SSBP4: variants seen among roughly 807,000 people sequenced by gnomAD.
The protein encoded by SSBP4 is single-stranded DNA-binding protein 4.
Under a neutral mutation model 64.6 loss-of-function variants are expected in SSBP4, and 33 were observed. The observed-to-expected ratio is 0.51, with a 90% CI of 0.39 to 0.68. SSBP4 has a LOEUF of 0.68. Among genes scored for constraint, SSBP4 ranks in the 30% least tolerant of loss-of-function variants. The pLI is 0.00. For missense variants in SSBP4, 583 were observed against 566.8 expected (o/e 1.03, Z -0.29); for synonymous variants, 243 against 224.0 (o/e 1.08, Z -0.76).
At chr19:18,421,527 G>A (rs1446460649) in intron 1 of SSBP4, among the ~76,000 whole-genome samples, 3 of 152,126 alleles carry the variant, frequency 2.0e-5, no homozygotes, top group Non-Finnish European at 2.9e-5. Flanking sequence ...GGCAGGCTCC[G>A]GTCGGGATGG....
intron 4 of SSBP4, among the ~76,000 whole-genome samples, chr19:18,430,572 T>C (rs1973277617): frequency 6.6e-6 from 1 of 152,106 alleles, no homozygotes. Context: ...CCAGCTGAGC[T>C]GCCCTGCCAG....
Position 18,431,438 on chromosome 19 carries a change from GC to G in SSBP4, c.435+24del. The G allele has an allele frequency of 1.4e-6, 2 of 1,450,884 alleles. No homozygotes were observed. The highest frequency in any genetic ancestry group is 1.9e-6 in the Non-Finnish European group (2 of 1,063,436). The allele number at this position is 1,450,884 out of a possible 1,614,324, so 89.9% of individuals were successfully genotyped here. ...GGTCAGGTAAGGAGCTGTGGTGCCTGCCCCTCACACACACACATCCCCTCCC... is the reference window on the plus strand; with the variant it reads ...GGTCAGGTAAGGAGCTGTGGTGCCTGCCCTCACACACACACATCCCCTCCC... On this transcript the variant is annotated intron_variant, in intron 6 of 17. Coordinates refer to ENST00000270061, the MANE Select transcript of SSBP4 (RefSeq NM_032627.5).
upstream of SSBP4, among the ~76,000 whole-genome samples, chr19:18,414,210 C>T (rs551657252): frequency 1.5e-3 from 225 of 152,270 alleles, no homozygotes; most frequent in African/African-American, 5.2e-3. Context: ...AGAGACACCT[C>T]GAGTCTCCCA....
chr19:18,427,730 C>A lies in SSBP4; in HGVS notation c.133-22C>A. 1 of 1,566,200 alleles carries A rather than the reference C, an allele frequency of 6.4e-7. No homozygotes were observed. On this transcript the variant is annotated intron_variant, in intron 2 of 17. Coordinates refer to ENST00000270061, the MANE Select transcript of SSBP4 (RefSeq NM_032627.5). This position sits in a 1 kb window ranked among gnomAD's most constrained non-coding sequence, Gnocchi z 4.4. ...GCAGGGTCAGGTAGGGCCACCCCCT[C>A]ACCACCTTCCTTTCCCTGCAGATCC...
rs776403821 is a variant in SSBP4, at chr19:18,430,865, G to A, written c.304G>A (p.Val102Ile). Residue 102 changes from valine to isoleucine, a missense_variant, in exon 5 of 18, where the codon GTT becomes ATT. Physicochemically the swap from Val to Ile is conservative, Grantham distance 29. This residue lies in a region of SSBP4 where 444 missense variants were observed against 386.6 expected (regional missense o/e 1.15). Coordinates refer to ENST00000270061, the MANE Select transcript of SSBP4 (RefSeq NM_032627.5). ...GAGTGCTGCAGCCGCCCCCAGCCCC[G>A]TTATGGGGAGTATGGCCCCAGGTGA... ...DYSAAAAPSP[V>I]MGSMAPGDTM... is the part of the protein sequence containing the mutation. The A allele has an allele frequency of 1.2e-5, 20 of 1,613,010 alleles. No homozygotes were observed. Among genetic ancestry groups the A allele is most frequent in the Non-Finnish European group, 1.4e-5 (17 of 1,179,790 alleles).
chr19:18,421,319 T>C (rs1972453163), intron 1 of SSBP4, among the ~76,000 whole-genome samples: 1 of 152,258 alleles, frequency 6.6e-6, no homozygotes, highest in Admixed American at 6.5e-5. Context: ...CAAAGACTTT[T>C]TGAAACTGGC....
chr19:18,417,678 G>A (rs1486701960), upstream of SSBP4, among the ~76,000 whole-genome samples: 1 of 152,204 alleles, frequency 6.6e-6, no homozygotes, highest in African/African-American at 2.4e-5. The surrounding 1 kb of genome is among the most constrained non-coding windows in gnomAD (Gnocchi z 5.4). Flanking sequence ...CCGAGCCGGG[G>A]CCCGGAGGCC....
chr19:18,419,740 C>A, intron 1 of SSBP4, 33 bp downstream of exon 1: 1 of 1,130,312 alleles, frequency 8.8e-7, no homozygotes, highest in Non-Finnish European at 1.1e-6. Flanking sequence ...GGCTCGGCGT[C>A]CGCGCTCTTC....
At chr19:18,416,316 G>GT (rs1183251865), upstream of SSBP4, among the ~76,000 whole-genome samples, 2 of 151,980 alleles carry the variant, frequency 1.3e-5, no homozygotes, top group Non-Finnish European at 2.9e-5. Context: ...CGCCCGGCCG[G>GT]TTTTTTTAGT....
chr19:18,430,737 G>A (rs1209829283), intron 4 of SSBP4, 104 bp from the exon 5 acceptor site: 23 of 985,514 alleles, frequency 2.3e-5, no homozygotes, highest in South Asian at 6.9e-5. Context: ...ATGCCAGCTC[G>A]CTGTCCCATG....
chr19:18,404,753 G>A, the SSBP4 span, among the ~76,000 whole-genome samples: 21 of 149,970 alleles, frequency 1.4e-4, no homozygotes, highest in Non-Finnish European at 2.5e-4. Flanking sequence ...TTAGCTGGGC[G>A]TGGTGGTGGG....
chr19:18,405,989 TA>T, the SSBP4 span, among the ~76,000 whole-genome samples: 446 of 125,202 alleles, frequency 3.6e-3, no homozygotes, highest in Middle Eastern at 0.013. Context: ...AGACTCCGTC[TA>T]AAAAAAAAAA....
rs1972983581 is a variant in SSBP4 at position 18,427,977 on chromosome 19, G to A, written c.274G>A (p.Asp92Asn). ...CTCCGGCGAGGCCAAGGCCTTCCAG[G>A]ACTATGTGAGTCCTGGCCCCAGGGA... Reference protein sequence around the residue: ...EHSGEAKAFQDYSAAAAPSPV... With the variant: ...EHSGEAKAFQNYSAAAAPSPV... The change falls in exon 4 of 18, where the codon GAC becomes AAC. Residue 92 changes from aspartate to asparagine, a missense_variant. Asp to Asn is a conservative substitution (Grantham distance 23). Around this residue, in one of 5 missense-constraint regions of SSBP4, gnomAD observed 444 missense variants for 386.6 expected, o/e 1.15. Coordinates refer to ENST00000270061, the MANE Select transcript of SSBP4 (RefSeq NM_032627.5). This position sits in a 1 kb window ranked among gnomAD's most constrained non-coding sequence, Gnocchi z 4.4. The A allele has an allele frequency of 6.2e-7, 1 of 1,605,326 alleles. No individual in the cohort carries two copies.
upstream of SSBP4, chr19:18,419,379 C>G (rs978904993): frequency 1.9e-5 from 19 of 1,026,316 alleles, no homozygotes; most frequent in African/African-American, 3.5e-5. Context: ...GCGCGCGCGG[C>G]GGGAGGAGGG....
At chr19:18,418,554 T>C (rs1175679542), upstream of SSBP4, among the ~76,000 whole-genome samples, 2 of 152,232 alleles carry the variant, frequency 1.3e-5, no homozygotes, top group Non-Finnish European at 1.5e-5. This position sits in a 1 kb window ranked among gnomAD's most constrained non-coding sequence, Gnocchi z 6.7. Context: ...CAAACAGCAG[T>C]CACCCAGCAC....
intron 17 of SSBP4, 149 bp from the exon 18 acceptor site, chr19:18,434,068 C>T (rs1973790579): frequency 3.1e-6 from 4 of 1,304,784 alleles, no homozygotes; most frequent in Non-Finnish European, 3.9e-6. Flanking sequence ...CCTTCCCATG[C>T]ATCGCCCCTC....
At chr19:18,429,941 G>A (rs891525510) in intron 4 of SSBP4, among the ~76,000 whole-genome samples, 1 of 152,150 alleles carries the variant, frequency 6.6e-6, no homozygotes, top group Non-Finnish European at 1.5e-5. Context: ...TAGGCAGGGG[G>A]CCCCTTGCAG....
chr19:18,403,768 TTGGGGTCTGGGGCCCC>T, the SSBP4 span, among the ~76,000 whole-genome samples: 1 of 151,628 alleles, frequency 6.6e-6, no homozygotes, highest in East Asian at 1.9e-4. Context: ...TCTGGGAGTC[TTGGGGTCTGGGGCCCC>T]TGGGGTCTGG....
chr19:18,432,623 G>C lies in SSBP4; in HGVS notation c.750+19G>C. On this transcript the variant is annotated intron_variant, in intron 11 of 17. Transcript: ENST00000270061. ...AAACTCGGTGAGCCTATGGCTGGGT[G>C]GGCAGGCTTGGGGTGGGGTGGGAGG... is the stretch of plus-strand genomic sequence containing the variant. 1 of 1,555,186 alleles carries C rather than the reference G, an allele frequency of 6.4e-7. No individual in the cohort carries two copies. Among genetic ancestry groups the C allele is most frequent in the Non-Finnish European group, 8.7e-7 (1 of 1,146,860 alleles).
Sources: allele counts gnomAD v4.1 joint callset (sites outside exome capture counted in the v4.1 genomes callset), GRCh38; gene constraint gnomAD v4.1.1; regional missense constraint gnomAD v4.1.1; non-coding constraint Gnocchi (gnomAD v3.1); transcripts MANE v1.5; gene names NCBI Gene and HGNC (gene_info 2026-07-23, HGNC 2026-07-21).